CCDC102B: variants seen among roughly 807,000 people sequenced by gnomAD.
CCDC102B encodes the protein coiled-coil domain containing 102B.
In CCDC102B, 75 loss-of-function variants were observed where a neutral mutation model predicts 57.4. That is an observed-to-expected ratio of 1.31 (90% confidence interval 1.08 to 1.58). CCDC102B has a LOEUF of 1.58. Ranked by LOEUF, CCDC102B falls within the 40% of genes most tolerant of loss-of-function variation. The pLI is 0.00. For synonymous variants in CCDC102B, 206 were observed against 201.9 expected (o/e 1.02, Z -0.17); for missense variants, 636 against 582.6 (o/e 1.09, Z -0.94).
intron 5 of CCDC102B, among the ~76,000 whole-genome samples, chr18:68,887,509 TAA>T: frequency 6.6e-6 from 1 of 152,224 alleles, no homozygotes; most frequent in Admixed American, 6.5e-5. Flanking sequence ...GAGTCTTATG[TAA>T]TCGATCCATA....
intron 3 of CCDC102B, among the ~76,000 whole-genome samples, chr18:68,844,617 A>G (rs2144811969): frequency 6.6e-6 from 1 of 152,048 alleles, no homozygotes; most frequent in South Asian, 2.1e-4. Context: ...ATTCTATTTT[A>G]TCACCCAAAA....
intron 6 of CCDC102B, among the ~76,000 whole-genome samples, chr18:68,976,788 T>C (rs1350669803): frequency 6.6e-6 from 1 of 152,006 alleles, no homozygotes; most frequent in Non-Finnish European, 1.5e-5. Flanking sequence ...AATATATTTA[T>C]TTTTCAAAAT....
chr18:68,945,297 A>G (rs2145181301), intron 6 of CCDC102B, among the ~76,000 whole-genome samples: 2 of 152,272 alleles, frequency 1.3e-5, no homozygotes, highest in Admixed American at 1.3e-4. Context: ...TGAGCTAAAT[A>G]GTATCAATGA....
chr18:68,738,208 C>T (rs1471655921), intron 2 of CCDC102B, among the ~76,000 whole-genome samples: 1 of 152,152 alleles, frequency 6.6e-6, no homozygotes, highest in African/African-American at 2.4e-5. Context: ...GCTTCACCTC[C>T]ATTGCTATAA....
intron 1 of CCDC102B, among the ~76,000 whole-genome samples, chr18:68,823,181 C>T (rs1315734934): frequency 6.6e-6 from 1 of 152,144 alleles, no homozygotes; most frequent in African/African-American, 2.4e-5. Context: ...AATTGGAGGC[C>T]TCTAAAGGGT....
chr18:69,023,199 T>C (rs1250676598), intron 7 of CCDC102B, among the ~76,000 whole-genome samples: 1 of 152,150 alleles, frequency 6.6e-6, no homozygotes, highest in Non-Finnish European at 1.5e-5. Flanking sequence ...AGTTATGTGA[T>C]CTTGGGTTCA....
chr18:68,783,174 C>T (rs2035066621), intron 2 of CCDC102B, among the ~76,000 whole-genome samples: 1 of 152,102 alleles, frequency 6.6e-6, no homozygotes, highest in Admixed American at 6.6e-5. Flanking sequence ...GTCAGGTTTC[C>T]CATTGTGATA....
chr18:68,905,943 G>A (rs567236320), intron 6 of CCDC102B, among the ~76,000 whole-genome samples: 18 of 151,786 alleles, frequency 1.2e-4, no homozygotes, highest in South Asian at 4.2e-4. Flanking sequence ...ACAGGCGCCC[G>A]CCACCACGCC....
intron 6 of CCDC102B, among the ~76,000 whole-genome samples, chr18:68,917,668 A>T (rs2041123048): frequency 6.6e-6 from 1 of 152,076 alleles, no homozygotes. Context: ...TAATTTAAAA[A>T]CCTGCATATC....
chr18:69,040,593 G>A (rs1044698535), intron 7 of CCDC102B, among the ~76,000 whole-genome samples: 10 of 151,762 alleles, frequency 6.6e-5, no homozygotes, highest in Admixed American at 4.6e-4. Flanking sequence ...TTCTTGAATC[G>A]GTTGATTACT....
intron 6 of CCDC102B, among the ~76,000 whole-genome samples, chr18:68,937,192 T>G (rs2049264100): frequency 6.6e-6 from 1 of 152,042 alleles, no homozygotes; most frequent in Non-Finnish European, 1.5e-5. Context: ...CTAAGGCACA[T>G]CACAGCCTTC....
At chr18:69,042,178 T>A (rs1423675292) in intron 7 of CCDC102B, among the ~76,000 whole-genome samples, 1 of 152,090 alleles carries the variant, frequency 6.6e-6, no homozygotes, top group Non-Finnish European at 1.5e-5. Flanking sequence ...AAAAATCACG[T>A]AATAAGGAAA....
intron 6 of CCDC102B, 110 bp downstream of exon 6, chr18:68,897,538 C>T (rs1427467690): frequency 1.9e-6 from 3 of 1,541,392 alleles, no homozygotes; most frequent in South Asian, 2.2e-5. Context: ...TCCTTTTGTG[C>T]CAGCTAATAC....
In CCDC102B at chr18:69,022,222, T is replaced by TATATATAAAA. The variant is rs1395799223; in HGVS notation, c.1434+11119_1434+11120insTATATAAAAA. On this transcript the variant is annotated intron_variant, in intron 7 of 7. Transcript: ENST00000360242. ...ATATATATATATATATATATATATA[T>TATATATAAAA]AACACACACACACGCGTGCGTGTGC... 6.3e-4 allele frequency among the ~76,000 whole-genome samples: 60 copies of TATATATAAAA among 94,996 alleles called. 1 individual carries two copies. The South Asian group carries it at 0.014, about 23-fold the overall frequency. 62.3% of individuals were successfully genotyped at this position (94,996 alleles called of 152,430 possible).
At chr18:68,901,130 T>A (rs1279021033) in intron 6 of CCDC102B, among the ~76,000 whole-genome samples, 1 of 152,194 alleles carries the variant, frequency 6.6e-6, no homozygotes, top group Non-Finnish European at 1.5e-5. Context: ...TCTTTGTTGA[T>A]CATAGCAAAG....
intron 4 of CCDC102B, among the ~76,000 whole-genome samples, chr18:68,872,120 T>C (rs2039263262): frequency 6.6e-6 from 1 of 152,124 alleles, no homozygotes; most frequent in East Asian, 1.9e-4. Context: ...TTTACTGAGG[T>C]GACAAAGACT....
At chr18:68,864,868 C>T (rs2038908673) in intron 4 of CCDC102B, among the ~76,000 whole-genome samples, 1 of 151,834 alleles carries the variant, frequency 6.6e-6, no homozygotes, top group Non-Finnish European at 1.5e-5. Context: ...TTATTCTTTC[C>T]AAATATTCCT....
At chr18:68,883,888 A>G (rs2039781323) in intron 5 of CCDC102B, among the ~76,000 whole-genome samples, 1 of 152,226 alleles carries the variant, frequency 6.6e-6, no homozygotes, top group Admixed American at 6.5e-5. Context: ...TACACTAAAC[A>G]TCCAATCGGC....
At chr18:68,875,640 A>G (rs1235138570) in intron 5 of CCDC102B, among the ~76,000 whole-genome samples, 1 of 152,158 alleles carries the variant, frequency 6.6e-6, no homozygotes, top group Non-Finnish European at 1.5e-5. Context: ...TGGGAAATAT[A>G]CAGATTTTGG....
Sources: allele counts gnomAD v4.1 joint callset (sites outside exome capture counted in the v4.1 genomes callset), GRCh38; gene constraint gnomAD v4.1.1; transcripts MANE v1.5; gene names NCBI Gene and HGNC (gene_info 2026-07-23, HGNC 2026-07-21).